Variants in RCAN2 observed in about 807,000 individuals in gnomAD.
The protein encoded by RCAN2 is regulator of calcineurin 2.
In RCAN2, 9 loss-of-function variants were observed where a neutral mutation model predicts 23.6. That is an observed-to-expected ratio of 0.38 (90% CI 0.23 to 0.67). RCAN2 has a LOEUF of 0.67. Ranked by LOEUF, RCAN2 falls within the 30% of genes least tolerant of loss-of-function variation. The probability of loss-of-function intolerance (pLI) is 0.51; values close to 1 mark genes in which losing one functional copy is unlikely to be tolerated. For missense variants in RCAN2, 273 were observed against 302.3 expected, an observed-to-expected ratio of 0.90 and a Z score of 0.72; for synonymous variants, 109 against 115.7, an observed-to-expected ratio of 0.94 and a Z score of 0.37.
intron 2 of RCAN2, among the ~76,000 whole-genome samples, chr6:46,251,090 C>T (rs538133961): frequency 5.3e-5 from 8 of 152,248 alleles, no homozygotes; most frequent in South Asian, 2.1e-4. Flanking sequence ...GGTTCTTTCT[C>T]GCATTTTCAG....
intron 2 of RCAN2, among the ~76,000 whole-genome samples, chr6:46,280,237 A>C (rs921282835): frequency 2.0e-5 from 3 of 152,164 alleles, no homozygotes; most frequent in Non-Finnish European, 4.4e-5. Flanking sequence ...TGAATTGGAG[A>C]AGTCAGAACT....
chr6:46,273,553 A>G (rs1214291986), intron 2 of RCAN2, among the ~76,000 whole-genome samples: 1 of 152,220 alleles, frequency 6.6e-6, no homozygotes, highest in Non-Finnish European at 1.5e-5. Flanking sequence ...GCTGAAGTTA[A>G]TCTCGTCATT....
intron 2 of RCAN2, among the ~76,000 whole-genome samples, chr6:46,392,531 C>T (rs1765965663): frequency 6.6e-6 from 1 of 152,136 alleles, no homozygotes; most frequent in South Asian, 2.1e-4. Flanking sequence ...TGGAACCTAA[C>T]ACTTAATGGA....
chr6:46,241,053 A>G (rs1205665552), intron 4 of RCAN2, among the ~76,000 whole-genome samples: 1 of 152,228 alleles, frequency 6.6e-6, no homozygotes, highest in Non-Finnish European at 1.5e-5. Flanking sequence ...TTCAGTGACA[A>G]TGAACATGAC....
At position 46,456,804 on chromosome 6, in the gene RCAN2, G is replaced by A. The variant is rs1275060844; in HGVS notation, c.173C>T (p.Ser58Leu). The A allele has an allele frequency of 1.9e-6, 3 of 1,550,790 alleles. No homozygotes were observed. The highest frequency in any genetic ancestry group is 2.6e-6 in the Non-Finnish European group (3 of 1,147,020). The change falls in exon 2 of 5, where the codon TCG becomes TTG. Residue 58 changes from serine (S) to leucine (L), a missense_variant. Coordinates refer to ENST00000371374, the MANE Select transcript of RCAN2 (RefSeq NM_001251974.2). ...AITDFNDLPN[S>L]LFACNVHQSV... is the part of the protein sequence containing the mutation. ...CTGGTGAACATTGCACGCAAACAAC[G>A]AGTTGGGGAGGTCATTGAAGTCAGT... is the stretch of plus-strand genomic sequence containing the variant.
At chr6:46,364,640 G>T (rs1765113231) in intron 2 of RCAN2, among the ~76,000 whole-genome samples, 2 of 152,148 alleles carry the variant, frequency 1.3e-5, no homozygotes, top group African/African-American at 2.4e-5. Flanking sequence ...GCAACATCAT[G>T]CATGCTATGT....
chr6:46,488,797 C>T (rs889951812), intron 1 of RCAN2, among the ~76,000 whole-genome samples: 10 of 152,192 alleles, frequency 6.6e-5, no homozygotes, highest in Admixed American at 2.0e-4. Flanking sequence ...ACCGATCCTC[C>T]CCCTGAAATG....
chr6:46,399,445 A>G (rs970595149), intron 2 of RCAN2, among the ~76,000 whole-genome samples: 1 of 150,654 alleles, frequency 6.6e-6, no homozygotes, highest in Non-Finnish European at 1.5e-5. Flanking sequence ...ATCTGTTAAC[A>G]GGGGGAACTG....
At position 46,424,641 on chromosome 6, in the gene RCAN2, G is replaced by A. The variant is rs191188261; in HGVS notation, c.225+32111C>T. ...TCTGCCACACACCCCTACTTATCTG[G>A]CCTCAAGGAGCCAATGGAGCAGAGG... On this transcript the variant is annotated intron_variant, in intron 2 of 4. Transcript: ENST00000371374. 6.6e-5 allele frequency among the ~76,000 whole-genome samples: 10 copies of A among 152,034 alleles called. No individual in the cohort carries two copies. The East Asian group carries it at 1.6e-3, about 24-fold the overall frequency.
chr6:46,490,204 G>A (rs1473555275), intron 1 of RCAN2, among the ~76,000 whole-genome samples: 1 of 152,182 alleles, frequency 6.6e-6, no homozygotes, highest in Non-Finnish European at 1.5e-5. Context: ...TCTGGCTGAA[G>A]GGAGAGAGAA....
intron 2 of RCAN2, among the ~76,000 whole-genome samples, chr6:46,410,227 G>C (rs771487321): frequency 1.1e-4 from 17 of 152,156 alleles, no homozygotes; most frequent in Non-Finnish European, 2.2e-4. Context: ...ACTGAGCCAT[G>C]CTACTAGCAT....
intron 2 of RCAN2, among the ~76,000 whole-genome samples, chr6:46,329,573 G>A (rs1430494913): frequency 1.3e-5 from 2 of 152,154 alleles, no homozygotes; most frequent in Non-Finnish European, 2.9e-5. Context: ...AAAAAGGCAA[G>A]TAGAGAGACT....
Position 46,405,243 on chromosome 6 carries a change from G to A in RCAN2, c.225+51509C>T, listed in dbSNP as rs1239031908. ...GAGTGAAGCTGCAGATCTTCACCGT[G>A]AGTGTTACAGCTCATAAAAGCAGCG... On this transcript the variant is annotated intron_variant, in intron 2 of 4. Coordinates refer to ENST00000371374, the MANE Select transcript of RCAN2 (RefSeq NM_001251974.2). Among the ~76,000 whole-genome samples, 3 of 152,322 alleles carry A rather than the reference G, an allele frequency of 2.0e-5. No individual in the cohort carries two copies. The East Asian group carries it at 5.8e-4, about 29-fold the overall frequency.
Position 46,481,829 on chromosome 6 carries a change from C to G in RCAN2, c.-3+9344G>C, listed in dbSNP as rs781061416. On this transcript the variant is annotated intron_variant, in intron 1 of 4. Coordinates refer to ENST00000371374, the MANE Select transcript of RCAN2 (RefSeq NM_001251974.2). Reference sequence around the variant, plus strand: ...ACATTGCCATGATTGACAATAGATACGAATGACAGAAACCCTACAATTTGA... The same window carrying G: ...ACATTGCCATGATTGACAATAGATAGGAATGACAGAAACCCTACAATTTGA... 2.1e-4 allele frequency among the ~76,000 whole-genome samples: 32 copies of G among 152,094 alleles called. No homozygotes were observed. The Middle Eastern group carries it at 0.014, about 65-fold the overall frequency.
chr6:46,406,417 G>T (rs1483604538), intron 2 of RCAN2, among the ~76,000 whole-genome samples: 1 of 152,204 alleles, frequency 6.6e-6, no homozygotes, highest in East Asian at 1.9e-4. Context: ...ATCTCATTAA[G>T]TTCTGGCAGC....
chr6:46,299,802 T>C (rs924346654), intron 2 of RCAN2, among the ~76,000 whole-genome samples: 4 of 152,012 alleles, frequency 2.6e-5, no homozygotes, highest in Non-Finnish European at 5.9e-5. Flanking sequence ...GTTCTTATAA[T>C]AATGGAATAC....
At chr6:46,344,189 G>A (rs1469078044) in intron 2 of RCAN2, among the ~76,000 whole-genome samples, 3 of 151,980 alleles carry the variant, frequency 2.0e-5, no homozygotes, top group Non-Finnish European at 2.9e-5. Context: ...TAAAATGTGC[G>A]GATTTTATGA....
At chr6:46,395,688 AG>A (rs1417902440) in intron 2 of RCAN2, among the ~76,000 whole-genome samples, 5 of 152,246 alleles carry the variant, frequency 3.3e-5, no homozygotes, top group Non-Finnish European at 7.3e-5. Context: ...TAAGGCTAAC[AG>A]GGTTGGCTCA....
intron 2 of RCAN2, among the ~76,000 whole-genome samples, chr6:46,298,306 GGTCATA>G (rs1237505259): frequency 6.6e-6 from 1 of 152,020 alleles, no homozygotes; most frequent in African/African-American, 2.4e-5. Flanking sequence ...TTTTATGTGA[GGTCATA>G]GATGTCACTC....
Sources: allele counts gnomAD v4.1 joint callset (sites outside exome capture counted in the v4.1 genomes callset), GRCh38; gene constraint gnomAD v4.1.1; transcripts MANE v1.5; gene names NCBI Gene and HGNC (gene_info 2026-07-23, HGNC 2026-07-21).